The following PCDHA4 variants were observed in gnomAD, a reference collection of about 807,000 sequenced individuals.
The protein encoded by PCDHA4 is protocadherin alpha 4.
PCDHA4 carries 49 observed loss-of-function variants against 61.4 expected under a neutral mutation model. That is an observed-to-expected ratio of 0.80 (90% CI 0.63 to 1.01). PCDHA4 has a LOEUF of 1.01. Among genes scored for constraint, PCDHA4 ranks in the 50% least tolerant of loss-of-function variants. The pLI is 0.00. For missense variants in PCDHA4, 1,254 were observed against 1,235.8 expected (o/e 1.01, Z -0.22); for synonymous variants, 590 against 550.3 (o/e 1.07, Z -1.01).
Position 140,850,461 on chromosome 5 carries a change from G to T in PCDHA4, c.2385+40889G>T. Reference sequence around the variant, plus strand: ...ACTGGTGCTGGTGAAAGACCACGGGGAGCCAGCGCTGACGGCCACGGCCAC... The same window carrying T: ...ACTGGTGCTGGTGAAAGACCACGGGTAGCCAGCGCTGACGGCCACGGCCAC... On this transcript the variant is annotated intron_variant, in intron 1 of 3. Transcript: ENST00000530339. The T allele has an allele frequency of 1.9e-6, 3 of 1,598,002 alleles. No individual in the cohort carries two copies. The East Asian group carries it at 6.7e-5, about 36-fold the overall frequency.
At chr5:141,005,930 G>C (rs1179599253) in intron 3 of PCDHA4, among the ~76,000 whole-genome samples, 1 of 151,958 alleles carries the variant, frequency 6.6e-6, no homozygotes, top group African/African-American at 2.4e-5. Context: ...CTGGTTGACA[G>C]AGTGAGAACC....
intron 1 of PCDHA4, among the ~76,000 whole-genome samples, chr5:140,878,538 C>T (rs1001402199): frequency 3.9e-5 from 6 of 152,088 alleles, no homozygotes; most frequent in Non-Finnish European, 7.4e-5. Context: ...TGGCTCAAAC[C>T]AGTTTCAGAT....
chr5:140,954,355 G>A (rs10054520), intron 1 of PCDHA4, among the ~76,000 whole-genome samples: 9 of 152,232 alleles, frequency 5.9e-5, no homozygotes, highest in African/African-American at 1.7e-4. Context: ...TTGAGGAATC[G>A]CCACACAGTC....
intron 3 of PCDHA4, among the ~76,000 whole-genome samples, chr5:141,002,107 C>T (rs991036721): frequency 6.6e-6 from 1 of 152,246 alleles, no homozygotes. Context: ...GGGCCGGAAA[C>T]GGCTATAATC....
chr5:140,958,084 T>C (rs2095408627), intron 1 of PCDHA4, among the ~76,000 whole-genome samples: 1 of 152,110 alleles, frequency 6.6e-6, no homozygotes, highest in African/African-American at 2.4e-5. Flanking sequence ...AAAAGTAAAG[T>C]TGTACAATAG....
chr5:141,006,465 G>T (rs1338372692), intron 3 of PCDHA4, among the ~76,000 whole-genome samples: 3 of 151,948 alleles, frequency 2.0e-5, no homozygotes, highest in Non-Finnish European at 4.4e-5. Context: ...TGCCTGTCTC[G>T]GCCTCCCAAA....
At chr5:140,967,422 A>C in intron 1 of PCDHA4, 6 of 1,613,338 alleles carry the variant, frequency 3.7e-6, no homozygotes, top group East Asian at 2.2e-5. Flanking sequence ...GACCGGGAGC[A>C]GGCAGCCTTG....
At chr5:140,967,473 C>G in intron 1 of PCDHA4, 1 of 1,613,362 alleles carries the variant, frequency 6.2e-7, no homozygotes, top group Admixed American at 1.7e-5. Context: ...GGCATCCCAG[C>G]CCGCTCGGGT....
chr5:140,886,268 A>C (rs1250080024), intron 1 of PCDHA4, among the ~76,000 whole-genome samples: 2 of 151,920 alleles, frequency 1.3e-5, no homozygotes, highest in Non-Finnish European at 2.9e-5. Flanking sequence ...TTATAGATAA[A>C]ATTTTTTAAA....
chr5:140,905,617 G>T (rs1019062717), intron 1 of PCDHA4, among the ~76,000 whole-genome samples: 8 of 152,116 alleles, frequency 5.3e-5, no homozygotes, highest in Non-Finnish European at 1.5e-5. Context: ...TCTATAGATT[G>T]CTTTTGACAG....
At chr5:140,937,142 A>G (rs1362886135) in intron 1 of PCDHA4, among the ~76,000 whole-genome samples, 1 of 147,852 alleles carries the variant, frequency 6.8e-6, no homozygotes, top group Non-Finnish European at 1.5e-5. Context: ...GGTTCATGCC[A>G]TTCTCCTGCC....
intron 1 of PCDHA4, chr5:140,862,434 T>C: frequency 2.8e-6 from 1 of 354,954 alleles, no homozygotes; most frequent in South Asian, 2.1e-5. Flanking sequence ...AAACTATTCG[T>C]TGGTACTCCA....
intron 1 of PCDHA4, among the ~76,000 whole-genome samples, chr5:140,976,410 G>C (rs1353790339): frequency 6.6e-6 from 1 of 152,074 alleles, no homozygotes; most frequent in Non-Finnish European, 1.5e-5. Context: ...AATTAGCCAG[G>C]TACGGTGGCA....
chr5:140,955,156 G>A (rs556311036), intron 1 of PCDHA4, among the ~76,000 whole-genome samples: 25 of 152,262 alleles, frequency 1.6e-4, no homozygotes, highest in East Asian at 3.9e-4. Context: ...TACCAGTACC[G>A]TGCTGTTTTG....
chr5:140,810,853 C>G (rs769582220), intron 1 of PCDHA4: 1 of 151,972 alleles, frequency 6.6e-6, no homozygotes, highest in Non-Finnish European at 1.5e-5. Context: ...TGATTAAACT[C>G]AATTTATCAA....
intron 1 of PCDHA4, chr5:140,883,182 A>G (rs2059477264): frequency 6.2e-7 from 1 of 1,614,024 alleles, no homozygotes; most frequent in Non-Finnish European, 8.5e-7. Context: ...ATTAGGACAA[A>G]AGGCAAACTA....
chr5:140,849,773 C>A (rs1554143291), intron 1 of PCDHA4: 12 of 1,598,418 alleles, frequency 7.5e-6, no homozygotes, highest in Non-Finnish European at 1.0e-5. Flanking sequence ...TGGTGGTTAC[C>A]GCGCGGGACG....
intron 1 of PCDHA4, chr5:140,866,148 ATAAG>A (rs1375745548): frequency 1.4e-4 from 21 of 152,178 alleles, no homozygotes; most frequent in Admixed American, 1.3e-4. Context: ...TGGAAGTGAT[ATAAG>A]TAAGAATCGT....
chr5:140,966,206 T>C, intron 1 of PCDHA4: 1 of 227,662 alleles, frequency 4.4e-6, no homozygotes, highest in Non-Finnish European at 8.5e-6. Context: ...GCTTGACTGC[T>C]TTTCCCAGAC....
Sources: gnomAD v4.1 joint callset for allele counts (sites outside exome capture counted in the v4.1 genomes callset) on GRCh38, gnomAD v4.1.1 for gene constraint, MANE v1.5 for transcripts, NCBI Gene and HGNC (gene_info 2026-07-23, HGNC 2026-07-21) for gene names.